SLC25A24: variants seen among roughly 807,000 people sequenced by gnomAD.
SLC25A24 encodes the protein solute carrier family 25 member 24.
Under a neutral mutation model 60.7 loss-of-function variants are expected in SLC25A24, and 49 were observed. That is an observed-to-expected ratio of 0.81 (90% confidence interval 0.64 to 1.02). The LOEUF (loss-of-function observed/expected upper bound fraction) is 1.02, where lower values mean the gene tolerates loss of function less well. Ranked by LOEUF, SLC25A24 falls within the 50% of genes least tolerant of loss-of-function variation. The pLI is 0.00. For missense variants in SLC25A24, 564 were observed against 586.3 expected (o/e 0.96, Z 0.39); for synonymous variants, 202 against 200.6 (o/e 1.01, Z -0.06).
intron 3 of SLC25A24, among the ~76,000 whole-genome samples, chr1:108,172,253 C>T (rs1647490335): frequency 6.6e-6 from 1 of 152,216 alleles, no homozygotes; most frequent in African/African-American, 2.4e-5. Flanking sequence ...TATATTTCAA[C>T]TCAGTGACTC....
chr1:108,154,451 A>T (rs532964621), intron 6 of SLC25A24, among the ~76,000 whole-genome samples: 2 of 152,314 alleles, frequency 1.3e-5, no homozygotes, highest in East Asian at 3.9e-4. Context: ...ATTCAGAGGT[A>T]AATGCATTTG....
chr1:108,194,308 G>C (rs2101648677), intron 1 of SLC25A24, among the ~76,000 whole-genome samples: 1 of 138,370 alleles, frequency 7.2e-6, no homozygotes, highest in Middle Eastern at 3.5e-3. Context: ...CACAAGATGT[G>C]CTGTGGCCCA....
At position 108,137,430 on chromosome 1, in the gene SLC25A24, A is replaced by G. The variant is rs76008963; in HGVS notation, c.1250-593T>C. ...AGCGAAAACCAGTGTTGCTGGCACA[A>G]CCAAGACAACGGGAGGAGTACCATG... On this transcript the variant is annotated intron_variant, in intron 9 of 9. Coordinates refer to ENST00000565488, the MANE Select transcript of SLC25A24 (RefSeq NM_013386.5). 9.1e-3 allele frequency among the ~76,000 whole-genome samples: 1,393 copies of G among 152,294 alleles called. 15 individuals carry two copies. The highest frequency in any genetic ancestry group is 0.015 in the Non-Finnish European group (1,021 of 68,014).
chr1:108,173,064 A>G (rs1647515994), intron 3 of SLC25A24, among the ~76,000 whole-genome samples: 1 of 152,196 alleles, frequency 6.6e-6, no homozygotes, highest in African/African-American at 2.4e-5. Context: ...GATGGTTAAA[A>G]TCAAAAGAAA....
chr1:108,139,400 A>G lies in SLC25A24; in HGVS notation c.1099-192T>C, dbSNP rs12071569. ...GGAGGCCACTGGGGGTGCGGAACAC[A>G]TGAGGTTTGCACCGGTTACTGACAT... is the stretch of plus-strand genomic sequence containing the variant. On this transcript the variant is annotated intron_variant, in intron 8 of 9. Coordinates refer to ENST00000565488, the MANE Select transcript of SLC25A24 (RefSeq NM_013386.5). 0.026 allele frequency among the ~76,000 whole-genome samples: 3,921 copies of G among 152,292 alleles called. 169 individuals are homozygous for G. Among genetic ancestry groups the G allele is most frequent in the African/African-American group, 0.087 (3,622 of 41,556 alleles).
intron 2 of SLC25A24, among the ~76,000 whole-genome samples, chr1:108,184,544 T>C (rs60269347): frequency 0.025 from 3,808 of 152,320 alleles, 161 homozygotes; most frequent in African/African-American, 0.087. Flanking sequence ...GTTTAGTTTG[T>C]TTGTTTGAAG....
Position 108,157,603 on chromosome 1 carries a change from AT to A in SLC25A24, c.527del (p.Asp176ValfsTer3). 1 of 1,614,026 alleles carries A rather than the reference AT, an allele frequency of 6.2e-7. No homozygotes were observed. The highest frequency in any genetic ancestry group is 8.5e-7 in the Non-Finnish European group (1 of 1,179,948). On this transcript the variant is annotated frameshift_variant, in exon 5 of 10. Coordinates refer to ENST00000565488, the MANE Select transcript of SLC25A24 (RefSeq NM_013386.5). LOFTEE classifies it high-confidence loss of function. The part of the protein sequence containing the change: ...WKHSTGIDIG[D>X]SLTIPDEFTE... ...TGAATTCATCTGGAATAGTTAAGCT[AT>A]CCCCTATGTCAATTCCCTGTAAAAA...
At chr1:108,156,624 C>T (rs932572246) in intron 5 of SLC25A24, among the ~76,000 whole-genome samples, 2 of 152,166 alleles carry the variant, frequency 1.3e-5, no homozygotes, top group African/African-American at 4.8e-5. Context: ...ATAAGTATAA[C>T]AAAGTTTTAA....
chr1:108,139,878 CT>C (rs1679397972), intron 8 of SLC25A24, among the ~76,000 whole-genome samples: 2 of 152,084 alleles, frequency 1.3e-5, no homozygotes, highest in South Asian at 4.2e-4. Flanking sequence ...TCCCAAAGTG[CT>C]GAGATTATAG....
In SLC25A24 at chr1:108,200,100, C is replaced by G; in HGVS notation, c.39G>C (p.Ala13=). Residue 13 remains alanine (A), a synonymous_variant, in exon 1 of 10, where the codon GCG becomes GCC. Coordinates refer to ENST00000565488, the MANE Select transcript of SLC25A24 (RefSeq NM_013386.5). ...TCGGCTGCTCCGCGTCCTGGCAGGC[C>G]GCGGTGGGCAGCACGAAGTCCCGCA... The part of the protein sequence containing the change: ...RWLRDFVLPT[A]ACQDAEQPTR... 2 of 1,572,778 alleles carry G rather than the reference C, an allele frequency of 1.3e-6. No homozygotes were observed. The highest frequency in any genetic ancestry group is 1.7e-6 in the Non-Finnish European group (2 of 1,159,874).
intron 3 of SLC25A24, among the ~76,000 whole-genome samples, chr1:108,178,984 C>T (rs1188919037): frequency 6.6e-6 from 1 of 151,578 alleles, no homozygotes; most frequent in African/African-American, 2.4e-5. Flanking sequence ...AATACCAAAA[C>T]CCATGGAACA....
intron 1 of SLC25A24, among the ~76,000 whole-genome samples, chr1:108,193,867 T>C (rs1354519781): frequency 1.4e-5 from 2 of 139,020 alleles, no homozygotes; most frequent in African/African-American, 2.5e-5. Flanking sequence ...CAGATACTCA[T>C]AAATACTATC....
intron 6 of SLC25A24, among the ~76,000 whole-genome samples, chr1:108,149,262 C>G (rs557772360): frequency 6.6e-6 from 1 of 152,264 alleles, no homozygotes; most frequent in South Asian, 2.1e-4. Context: ...TAAAGTGACC[C>G]AACATAGCTA....
intron 3 of SLC25A24, among the ~76,000 whole-genome samples, chr1:108,179,142 G>A (rs904086244): frequency 5.5e-5 from 8 of 144,716 alleles, no homozygotes; most frequent in Non-Finnish European, 1.1e-4. Context: ...AAAAAAGCTC[G>A]ATATCACTAA....
chr1:108,189,894 G>T (rs980228385), intron 1 of SLC25A24, among the ~76,000 whole-genome samples: 5 of 148,472 alleles, frequency 3.4e-5, no homozygotes, highest in African/African-American at 1.3e-4. Flanking sequence ...TGTATATATA[G>T]AGAGAGTATA....
intron 1 of SLC25A24, chr1:108,192,869 C>G (rs1013222891): frequency 6.0e-6 from 5 of 829,562 alleles, no homozygotes; most frequent in Non-Finnish European, 7.8e-6. Flanking sequence ...GGACCGCACT[C>G]TGGGCTGCGC....
chr1:108,154,861 A>G (rs12723486), intron 6 of SLC25A24, 122 bp downstream of exon 6: 1 of 664,854 alleles, frequency 1.5e-6, no homozygotes, highest in Non-Finnish European at 2.5e-6. Flanking sequence ...CTCCTTATGG[A>G]GTATATGTGA....
chr1:108,173,295 C>T (rs1318333771), intron 3 of SLC25A24, among the ~76,000 whole-genome samples: 2 of 152,138 alleles, frequency 1.3e-5, no homozygotes, highest in African/African-American at 4.8e-5. Context: ...GGGTGGTCAA[C>T]CCCATGCTGC....
At chr1:108,152,732 G>A (rs1257105707) in intron 6 of SLC25A24, among the ~76,000 whole-genome samples, 1 of 152,124 alleles carries the variant, frequency 6.6e-6, no homozygotes, top group Non-Finnish European at 1.5e-5. Flanking sequence ...TACTTAATAA[G>A]GGTTTCCTGG....
Sources: allele counts gnomAD v4.1 joint callset (sites outside exome capture counted in the v4.1 genomes callset), GRCh38; gene constraint gnomAD v4.1.1; transcripts MANE v1.5; gene names NCBI Gene and HGNC (gene_info 2026-07-23, HGNC 2026-07-21).